The following ITPR2 variants were observed in gnomAD, a reference collection of about 807,000 sequenced individuals.
ITPR2 encodes inositol 1,4,5-trisphosphate-gated calcium channel ITPR2.
A neutral mutation model predicts 317.1 loss-of-function variants in ITPR2; 207 were observed. That is an observed-to-expected ratio of 0.65 (90% CI 0.58 to 0.73). The LOEUF is 0.73. Ranked by LOEUF, ITPR2 falls within the 30% of genes least tolerant of loss-of-function variation. The probability of loss-of-function intolerance (pLI) is 0.00; values close to 1 mark genes in which losing one functional copy is unlikely to be tolerated. For synonymous variants in ITPR2, 1,156 were observed against 1,149.1 expected, an observed-to-expected ratio of 1.01 and a Z score of -0.12; for missense variants, 2,613 against 3,284.0, an observed-to-expected ratio of 0.80 and a Z score of 4.99.
chr12:26,437,123 C>A (rs981900978), intron 47 of ITPR2, among the ~76,000 whole-genome samples: 3 of 152,144 alleles, frequency 2.0e-5, no homozygotes, highest in African/African-American at 7.2e-5. Flanking sequence ...AATAACTGAA[C>A]GGATTGGTAA....
At chr12:26,444,976 AC>A (rs1200734153) in intron 45 of ITPR2, among the ~76,000 whole-genome samples, 3 of 152,144 alleles carry the variant, frequency 2.0e-5, no homozygotes, top group Admixed American at 2.0e-4. Flanking sequence ...ATTACAAACC[AC>A]AGTCATGAAA....
At chr12:26,476,808 G>A in intron 44 of ITPR2, 104 bp downstream of exon 44, 1 of 685,358 alleles carries the variant, frequency 1.5e-6, no homozygotes, top group Non-Finnish European at 2.5e-6. Flanking sequence ...ATTTGTCTTG[G>A]TAGAGCAATG....
Position 26,518,414 on chromosome 12 carries a change from A to G in ITPR2, c.5074-23154T>C, listed in dbSNP as rs189921681. Among the ~76,000 whole-genome samples, 593 of 152,318 alleles carry G rather than the reference A, an allele frequency of 3.9e-3. 1 individual carries two copies. Among genetic ancestry groups the G allele is most frequent in the Non-Finnish European group, 5.5e-3 (371 of 68,024 alleles). On this transcript the variant is annotated intron_variant, in intron 37 of 56. Transcript: ENST00000381340. ...GGTGACAACCTAAAAACTAGCTATC[A>G]GGAACTATGCTTATTACCAGGGTGA...
At chr12:26,661,273 T>TGGGGGGGGGG (rs1565673570) in intron 15 of ITPR2, among the ~76,000 whole-genome samples, 1 of 14,294 alleles carries the variant, frequency 7.0e-5, no homozygotes, top group Non-Finnish European at 1.6e-4. Flanking sequence ...GGGGTGTGTG[T>TGGGGGGGGGG]GTGGGGGGGG....
intron 14 of ITPR2, 70 bp downstream of exon 14, chr12:26,665,837 CTAA>C: frequency 7.7e-7 from 1 of 1,306,774 alleles, no homozygotes; most frequent in Non-Finnish European, 1.1e-6. Flanking sequence ...TAATAGATAA[CTAA>C]TACAAGGCCT....
chr12:26,559,792 C>T (rs556085015), intron 35 of ITPR2, among the ~76,000 whole-genome samples: 2 of 152,290 alleles, frequency 1.3e-5, no homozygotes, highest in East Asian at 3.9e-4. Flanking sequence ...CTATTTCCTT[C>T]CCATAAAACT....
intron 37 of ITPR2, among the ~76,000 whole-genome samples, chr12:26,547,485 C>T (rs1361897548): frequency 6.6e-6 from 1 of 152,198 alleles, no homozygotes; most frequent in Non-Finnish European, 1.5e-5. Context: ...CTGTGAAAAA[C>T]AGTACAGAGA....
intron 40 of ITPR2, chr12:26,486,757 T>C: frequency 3.5e-6 from 2 of 573,574 alleles, no homozygotes; most frequent in Admixed American, 4.3e-5. Context: ...TGTGGTAATT[T>C]CTGTTTTTAA....
chr12:26,795,330 G>A (rs1228292993), intron 1 of ITPR2, among the ~76,000 whole-genome samples: 1 of 152,172 alleles, frequency 6.6e-6, no homozygotes, highest in Admixed American at 6.5e-5. Context: ...AGAATACATG[G>A]ATGATGATAT....
intron 45 of ITPR2, among the ~76,000 whole-genome samples, chr12:26,445,060 T>C (rs981193458): frequency 2.6e-5 from 4 of 152,168 alleles, no homozygotes; most frequent in Non-Finnish European, 4.4e-5. Flanking sequence ...AATCTTTAGG[T>C]ACCTTAGCAT....
chr12:26,433,054 T>C (rs1358305108), intron 48 of ITPR2, among the ~76,000 whole-genome samples: 1 of 152,248 alleles, frequency 6.6e-6, no homozygotes, highest in African/African-American at 2.4e-5. Flanking sequence ...CTCTGTTTCC[T>C]CAGCATTCCT....
intron 35 of ITPR2, among the ~76,000 whole-genome samples, chr12:26,557,615 C>A (rs150309393): frequency 2.0e-5 from 3 of 152,166 alleles, no homozygotes; most frequent in African/African-American, 7.2e-5. Flanking sequence ...TGCCTACAGA[C>A]CTTTGGTTTT....
chr12:26,634,020 C>A (rs775979369), intron 21 of ITPR2, among the ~76,000 whole-genome samples: 6 of 152,214 alleles, frequency 3.9e-5, no homozygotes, highest in Non-Finnish European at 8.8e-5. Context: ...AATCCAGAGG[C>A]CAGATCCATA....
chr12:26,506,091 T>C (rs1465831411), intron 37 of ITPR2, among the ~76,000 whole-genome samples: 1 of 151,844 alleles, frequency 6.6e-6, no homozygotes, highest in African/African-American at 2.4e-5. Context: ...AATATTACAT[T>C]GTATTACTGG....
In ITPR2 at chr12:26,427,822, T is replaced by A. The variant is rs967510967; in HGVS notation, c.6945+91A>T. The A allele has an allele frequency of 1.4e-4, 102 of 743,872 alleles. 1 individual carries two copies. The highest frequency in any genetic ancestry group is 1.9e-4 in the Non-Finnish European group (98 of 529,316). The allele number at this position is 743,872 out of a possible 1,614,324, so 46.1% of individuals were successfully genotyped here. The stretch of plus-strand genomic sequence containing the variant: ...ATAATAAATTAGAATTCACCATGCA[T>A]ACATGAATTAAAAGCTTATAGTTAT... On this transcript the variant is annotated intron_variant, in intron 49 of 56. Transcript: ENST00000381340.
At position 26,654,109 on chromosome 12, in the gene ITPR2, C is replaced by T. The variant is rs553695883; in HGVS notation, c.2607G>A (p.Arg869=). The change falls in exon 21 of 57, where the codon CGG becomes CGA. Residue 869 remains arginine, a synonymous_variant. Coordinates refer to ENST00000381340, the MANE Select transcript of ITPR2 (RefSeq NM_002223.4). The part of the protein sequence containing the change: ...KLTFEVVHLA[R]NLIYFGFYSF... ...TATAAAATCCAAAGTATATAAGATT[C>T]CGAGCCAAGTGGACCACCTTAATAA... 1.3e-6 allele frequency: 2 copies of T among 1,538,144 alleles called. No homozygotes were observed. Among genetic ancestry groups the T allele is most frequent in the East Asian group, 4.9e-5 (2 of 40,624 alleles).
rs553057398 is a variant in ITPR2 at position 26,337,678 on chromosome 12, T to C, written c.*1719A>G. ...GTGCTGCATGCAGACATATCAAAAT[T>C]TCTTATATCTTTGGATCATGAATGT... On this transcript the variant is annotated 3_prime_UTR_variant, in exon 57 of 57. Coordinates refer to ENST00000381340, the MANE Select transcript of ITPR2 (RefSeq NM_002223.4). The C allele has an allele frequency of 1.1e-4, 16 of 152,304 alleles. No homozygotes were observed. The East Asian group carries it at 3.1e-3, about 29-fold the overall frequency. 9.4% of individuals were successfully genotyped at this position (152,304 alleles called of 1,614,324 possible).
At chr12:26,740,469 A>C (rs1185898486) in intron 2 of ITPR2, among the ~76,000 whole-genome samples, 2 of 152,250 alleles carry the variant, frequency 1.3e-5, no homozygotes, top group Non-Finnish European at 2.9e-5. Flanking sequence ...AGAGGAAGGC[A>C]GATCAACATA....
At chr12:26,525,975 G>GAGC (rs1238045403) in intron 37 of ITPR2, among the ~76,000 whole-genome samples, 1 of 152,122 alleles carries the variant, frequency 6.6e-6, no homozygotes, top group East Asian at 1.9e-4. Flanking sequence ...CCAGTCCTTT[G>GAGC]AGCAGCACTC....
Sources: gnomAD v4.1 joint callset for allele counts (sites outside exome capture counted in the v4.1 genomes callset) on GRCh38, gnomAD v4.1.1 for gene constraint, MANE v1.5 for transcripts, NCBI Gene and HGNC (gene_info 2026-07-23, HGNC 2026-07-21) for gene names.